MALRD1: variants seen among roughly 807,000 people sequenced by gnomAD.
MALRD1 encodes MAM and LDL receptor class A domain containing 1.
Under a neutral mutation model 242.1 loss-of-function variants are expected in MALRD1, and 247 were observed. That is an observed-to-expected ratio of 1.02 (90% CI 0.92 to 1.13). MALRD1 has a LOEUF of 1.13. Ranked by LOEUF, MALRD1 falls within the 50% of genes most tolerant of loss-of-function variation. MALRD1 has a pLI of 0.00. For synonymous variants in MALRD1, 995 were observed against 866.6 expected (o/e 1.15, Z -2.60); for missense variants, 2,989 against 2,533.1 (o/e 1.18, Z -3.86).
At chr10:19,280,910 C>T (rs544489546) in intron 20 of MALRD1, among the ~76,000 whole-genome samples, 1 of 152,258 alleles carries the variant, frequency 6.6e-6, no homozygotes, top group Admixed American at 6.5e-5. Context: ...CCCTGTTCTT[C>T]ATGGAGTAGC....
intron 29 of MALRD1, among the ~76,000 whole-genome samples, chr10:19,462,594 A>G (rs1242787705): frequency 1.3e-5 from 2 of 152,214 alleles, no homozygotes; most frequent in African/African-American, 4.8e-5. Flanking sequence ...TAAAACCTAA[A>G]TGAAAACACA....
chr10:19,587,551 G>C (rs1294153745), intron 33 of MALRD1, among the ~76,000 whole-genome samples: 1 of 152,154 alleles, frequency 6.6e-6, no homozygotes. Context: ...AAATTCTTGA[G>C]CACATTTCAT....
intron 19 of MALRD1, among the ~76,000 whole-genome samples, chr10:19,260,975 C>T (rs372575604): frequency 2.0e-5 from 3 of 152,098 alleles, no homozygotes; most frequent in African/African-American, 4.8e-5. Context: ...AATTAAGGAT[C>T]GGACTGTGAT....
At chr10:19,374,781 C>T (rs1344712981) in intron 26 of MALRD1, among the ~76,000 whole-genome samples, 1 of 152,158 alleles carries the variant, frequency 6.6e-6, no homozygotes, top group Non-Finnish European at 1.5e-5. Context: ...TGCATGCCAG[C>T]TGTCCTTTAA....
At chr10:19,696,593 AATG>A (rs1833387463) in intron 38 of MALRD1, among the ~76,000 whole-genome samples, 2 of 152,156 alleles carry the variant, frequency 1.3e-5, no homozygotes, top group Non-Finnish European at 2.9e-5. Context: ...TTAGAAAAAA[AATG>A]ATATTTTTAA....
intron 38 of MALRD1, among the ~76,000 whole-genome samples, chr10:19,696,973 A>T (rs1833409408): frequency 6.6e-6 from 1 of 152,178 alleles, no homozygotes; most frequent in Admixed American, 6.6e-5. Flanking sequence ...ATGAGCCTAC[A>T]ATATGCTAGA....
chr10:19,379,011 T>C (rs1845725643), intron 26 of MALRD1, among the ~76,000 whole-genome samples: 1 of 152,132 alleles, frequency 6.6e-6, no homozygotes, highest in South Asian at 2.1e-4. Context: ...ACCTTTTTTT[T>C]CCTCTAGTTG....
At chr10:19,226,261 A>T (rs1362139455) in intron 18 of MALRD1, among the ~76,000 whole-genome samples, 1 of 152,160 alleles carries the variant, frequency 6.6e-6, no homozygotes. Context: ...GCAAAAAAGG[A>T]ATTTACAAAA....
Position 19,507,251 on chromosome 10 carries a change from A to G in MALRD1, c.5320+8605A>G, listed in dbSNP as rs530277753. ...AAGCATGAGATTTAGGCAGGAACCA[A>G]TATCCAAACTATATCACCATGGGTT... On this transcript the variant is annotated intron_variant, in intron 31 of 39. Transcript: ENST00000454679. 3.1e-4 allele frequency among the ~76,000 whole-genome samples: 47 copies of G among 152,250 alleles called. No homozygotes were observed. In the South Asian group the frequency reaches 7.5e-3, roughly 24 times the overall value.
rs1211184497 is a variant in MALRD1, at chr10:19,271,864, A to G, written c.3080-8183A>G. The stretch of plus-strand genomic sequence containing the variant: ...ACTTGCAAATGAAAAAAATCATAAA[A>G]GCAAATAAATGAAAAATAATTCAGT... On this transcript the variant is annotated intron_variant, in intron 19 of 39. Coordinates refer to ENST00000454679, the MANE Select transcript of MALRD1 (RefSeq NM_001142308.3). Among the ~76,000 whole-genome samples, 6 of 152,346 alleles carry G rather than the reference A, an allele frequency of 3.9e-5. No individual in the cohort carries two copies. The East Asian group carries it at 1.2e-3, about 29-fold the overall frequency.
intron 28 of MALRD1, among the ~76,000 whole-genome samples, chr10:19,446,265 C>G (rs1274452254): frequency 6.6e-6 from 1 of 152,140 alleles, no homozygotes; most frequent in East Asian, 1.9e-4. Context: ...CCTGCTTCAG[C>G]TTACACTCTG....
intron 5 of MALRD1, among the ~76,000 whole-genome samples, chr10:19,120,932 C>T (rs532768883): frequency 3.9e-5 from 6 of 152,020 alleles, no homozygotes; most frequent in Middle Eastern, 6.8e-3. Context: ...TTAGTAGATA[C>T]GGAGTTTCGC....
intron 32 of MALRD1, among the ~76,000 whole-genome samples, chr10:19,547,994 T>A (rs1165779131): frequency 1.2e-5 from 1 of 82,172 alleles, no homozygotes; most frequent in Non-Finnish European, 2.0e-5. Flanking sequence ...ATCACTATAC[T>A]TTTTTTTTTT....
At chr10:19,317,444 C>G (rs1337749032) in intron 21 of MALRD1, among the ~76,000 whole-genome samples, 3 of 151,946 alleles carry the variant, frequency 2.0e-5, no homozygotes, top group African/African-American at 7.2e-5. Context: ...GGTATGGACT[C>G]TAAACATTCA....
chr10:19,588,222 G>A (rs1447439286), intron 33 of MALRD1, among the ~76,000 whole-genome samples: 1 of 151,826 alleles, frequency 6.6e-6, no homozygotes, highest in Non-Finnish European at 1.5e-5. Context: ...TTATTCCATG[G>A]AAATAGTCAA....
At chr10:19,434,090 C>T (rs1265578818) in intron 28 of MALRD1, among the ~76,000 whole-genome samples, 3 of 152,132 alleles carry the variant, frequency 2.0e-5, no homozygotes, top group African/African-American at 7.2e-5. Flanking sequence ...CTTTGATCTT[C>T]ATAATTTGCA....
At chr10:19,674,378 T>C (rs1842052434) in intron 36 of MALRD1, among the ~76,000 whole-genome samples, 1 of 152,164 alleles carries the variant, frequency 6.6e-6, no homozygotes, top group African/African-American at 2.4e-5. Context: ...TGGAAAGCCA[T>C]TGAAAAATTT....
rs117068047 is a variant in MALRD1 at position 19,675,071 on chromosome 10, T to A, written c.6138-17211T>A. Reference sequence around the variant, plus strand: ...CACTTTTTATCTGCTGCATTTCTACTCAAGTAATTAAAGCTATTTCTACTG... The same window carrying A: ...CACTTTTTATCTGCTGCATTTCTACACAAGTAATTAAAGCTATTTCTACTG... On this transcript the variant is annotated intron_variant, in intron 36 of 39. Transcript: ENST00000454679. Among the ~76,000 whole-genome samples, 393 of 152,240 alleles carry A rather than the reference T, an allele frequency of 2.6e-3. 7 individuals are homozygous for A. The East Asian group carries it at 0.058, about 23-fold the overall frequency.
chr10:19,422,962 A>C (rs556388089), intron 28 of MALRD1, among the ~76,000 whole-genome samples: 2 of 152,296 alleles, frequency 1.3e-5, no homozygotes, highest in South Asian at 4.1e-4. Context: ...TGTACTGCTC[A>C]TATCTACTGT....
Sources: allele counts gnomAD v4.1 joint callset (sites outside exome capture counted in the v4.1 genomes callset), GRCh38; gene constraint gnomAD v4.1.1; transcripts MANE v1.5; gene names NCBI Gene and HGNC (gene_info 2026-07-23, HGNC 2026-07-21).